The following RO60 variants were observed in gnomAD, a reference collection of about 807,000 sequenced individuals.
The protein encoded by RO60 is Ro60, Y RNA binding protein.
RO60 carries 20 observed loss-of-function variants against 55.3 expected under a neutral mutation model. That is an observed-to-expected ratio of 0.36 (90% CI 0.25 to 0.53). The LOEUF (loss-of-function observed/expected upper bound fraction) is 0.53. RO60 is among the 20% of genes least tolerant of loss of function. RO60 has a pLI of 0.92. For missense variants in RO60, 558 were observed against 646.6 expected (o/e 0.86, Z 1.49); for synonymous variants, 213 against 213.6 (o/e 1.00, Z 0.02).
chr1:193,076,408 G>T lies in RO60; in HGVS notation c.802-93G>T, dbSNP rs1259627586. ...CTTTGAACCCCAAATGAAAGCCTCA[G>T]AGACTGTATTATGAATATTTTTTTA... On this transcript the variant is annotated intron_variant, in intron 3 of 8. Coordinates refer to ENST00000400968, the MANE Select transcript of RO60 (RefSeq NM_001173524.2). 5 of 1,349,898 alleles carry T rather than the reference G, an allele frequency of 3.7e-6. No individual in the cohort carries two copies. The Admixed American group carries it at 1.3e-4, about 34-fold the overall frequency. The allele number at this position is 1,349,898 out of a possible 1,614,324, so 83.6% of individuals were successfully genotyped here. A position where few individuals can be genotyped will look rare whatever the true frequency, so the allele number is the denominator to read the frequency against.
At chr1:193,081,095 A>T (rs1674278474) in intron 5 of RO60, among the ~76,000 whole-genome samples, 1 of 152,194 alleles carries the variant, frequency 6.6e-6, no homozygotes, top group Non-Finnish European at 1.5e-5. Context: ...TTTTAAAAAT[A>T]GGATGGTAAC....
In RO60 at chr1:193,069,273, G is replaced by A. The variant is rs1673321515; in HGVS notation, c.219G>A (p.Val73=). ...RLIEDGRGCE[V]IQEIKSFSQE... ...TTGAAGATGGCAGAGGATGTGAAGT[G>A]ATACAAGAAATAAAGTCATTTAGTC... Residue 73 remains valine, a synonymous_variant, in exon 2 of 9, where the codon GTG becomes GTA. Transcript: ENST00000400968. 1.9e-6 allele frequency: 3 copies of A among 1,614,078 alleles called. No individual in the cohort carries two copies. The African/African-American group carries it at 4.0e-5, about 22-fold the overall frequency.
intron 5 of RO60, among the ~76,000 whole-genome samples, chr1:193,080,256 AC>A (rs1433251049): frequency 2.6e-5 from 4 of 152,190 alleles, no homozygotes; most frequent in Non-Finnish European, 5.9e-5. Flanking sequence ...AAAGCAGAAA[AC>A]AAGAGTTGGG....
intron 5 of RO60, 41 bp downstream of exon 5, chr1:193,077,091 CTT>C (rs1468497476): frequency 9.1e-6 from 14 of 1,540,134 alleles, no homozygotes; most frequent in African/African-American, 1.4e-5. Flanking sequence ...TGACTGAAGA[CTT>C]AATATCTTTT....
chr1:193,061,131 T>G (rs1254324031), intron 1 of RO60, among the ~76,000 whole-genome samples: 1 of 152,218 alleles, frequency 6.6e-6, no homozygotes, highest in Admixed American at 6.5e-5. Flanking sequence ...AAGCCAGATT[T>G]CTGGGTCTTT....
In RO60 at chr1:193,084,873, A is replaced by C. The variant is rs1674551709; in HGVS notation, c.*142A>C. ...ATGGAAAGTTACCTTACTGAAAAAAAAAAAAGAAGGAAAAATAAGATGGGC... is the reference window on the plus strand; with the variant it reads ...ATGGAAAGTTACCTTACTGAAAAAACAAAAAGAAGGAAAAATAAGATGGGC... On this transcript the variant is annotated 3_prime_UTR_variant, in exon 9 of 9. Coordinates refer to ENST00000400968, the MANE Select transcript of RO60 (RefSeq NM_001173524.2). The C allele has an allele frequency of 6.8e-7, 1 of 1,478,286 alleles. No individual in the cohort carries two copies. 91.6% of individuals were successfully genotyped at this position (1,478,286 alleles called of 1,614,324 possible). A position where few individuals can be genotyped will look rare whatever the true frequency, so the allele number is the denominator to read the frequency against.
Position 193,082,703 on chromosome 1 carries a change from C to T in RO60, c.1459C>T (p.Arg487Ter), listed in dbSNP as rs376876223. The stretch of plus-strand genomic sequence containing the variant: ...TCCTGCTATTGCTCTGAGGGAGTAT[C>T]GAAAGGTAAAACAAATTCTAATACG... ...VHPAIALREYRKKMDIPAKLI... is the reference protein window; with the variant it reads ...VHPAIALREY Residue 487 changes from arginine (R) to a stop codon, truncating the protein, a stop_gained, in exon 8 of 9, where the codon CGA (arginine) becomes TGA (stop). Coordinates refer to ENST00000400968, the MANE Select transcript of RO60 (RefSeq NM_001173524.2). LOFTEE classifies it high-confidence loss of function. 6.2e-7 allele frequency: 1 copy of T among 1,607,706 alleles called. No individual in the cohort carries two copies. The highest frequency in any genetic ancestry group is 8.5e-7 in the Non-Finnish European group (1 of 1,177,604).
At chr1:193,081,601 A>G (rs778668925) in intron 6 of RO60, 121 bp downstream of exon 6, 1 of 586,346 alleles carries the variant, frequency 1.7e-6, no homozygotes, top group Non-Finnish European at 3.0e-6. Context: ...AGCTTGTCAC[A>G]TTTTTAATTT....
At chr1:193,083,709 C>G (rs1674473731) in intron 8 of RO60, among the ~76,000 whole-genome samples, 1 of 152,200 alleles carries the variant, frequency 6.6e-6, no homozygotes, top group African/African-American at 2.4e-5. Context: ...ATTTCTGATG[C>G]AGGCTTAAGT....
rs771897924 is a variant in RO60, at chr1:193,090,174, T to C, written c.*5443T>C. On this transcript the variant is annotated 3_prime_UTR_variant, in exon 9 of 9. Coordinates refer to ENST00000400968, the MANE Select transcript of RO60 (RefSeq NM_001173524.2). Reference sequence around the variant, plus strand: ...AGAATATATGCTTGAACAAAGGAAATAGTAAATTAGCTATATGTCTGCTGG... The same window carrying C: ...AGAATATATGCTTGAACAAAGGAAACAGTAAATTAGCTATATGTCTGCTGG... The C allele has an allele frequency of 5.9e-5, 9 of 152,118 alleles. No homozygotes were observed. Among genetic ancestry groups the C allele is most frequent in the Non-Finnish European group, 1.3e-4 (9 of 68,028 alleles). The allele number at this position is 152,118 out of a possible 1,614,324, so 9.4% of individuals were successfully genotyped here. A position where few individuals can be genotyped will look rare whatever the true frequency, so the allele number is the denominator to read the frequency against.
At chr1:193,076,122 A>G in intron 3 of RO60, 82 bp downstream of exon 3, 2 of 842,382 alleles carry the variant, frequency 2.4e-6, no homozygotes, top group Non-Finnish European at 3.5e-6. Flanking sequence ...TGGGGTAGCT[A>G]TATATTTATA....
In RO60 at chr1:193,075,856, G is replaced by T; in HGVS notation, c.617G>T (p.Trp206Leu). 1 of 1,611,016 alleles carries T rather than the reference G, an allele frequency of 6.2e-7. No homozygotes were observed. The highest frequency in any genetic ancestry group is 1.1e-5 in the South Asian group (1 of 90,500). The change falls in exon 3 of 9, where the codon TGG becomes TTG. Residue 206 changes from tryptophan to leucine, a missense_variant. Physicochemically the swap from Trp to Leu is moderately conservative, Grantham distance 61. Coordinates refer to ENST00000400968, the MANE Select transcript of RO60 (RefSeq NM_001173524.2). ...GTGACCAAATATATTACAAAGGGCT[G>T]GAAAGAAGTTCATGAATTGTATAAA... ...AIVTKYITKG[W>L]KEVHELYKEK...
In RO60 at chr1:193,087,727, C is replaced by T. The variant is rs1674677441; in HGVS notation, c.*2996C>T. 3 of 151,246 alleles carry T rather than the reference C, an allele frequency of 2.0e-5. No homozygotes were observed. Among genetic ancestry groups the T allele is most frequent in the Non-Finnish European group, 4.4e-5 (3 of 67,902 alleles). 9.4% of individuals were successfully genotyped at this position (151,246 alleles called of 1,614,324 possible). On this transcript the variant is annotated 3_prime_UTR_variant, in exon 9 of 9. Coordinates refer to ENST00000400968, the MANE Select transcript of RO60 (RefSeq NM_001173524.2). ...ATAAAAATTGAAACTGGGAAGAGGG[C>T]TTGCAATACAAGTTAGAATTCTTTT...
rs1674614895 is a variant in RO60 at position 193,086,148 on chromosome 1, T to C, written c.*1417T>C. ...GTCAAACTGTAGTTAATGTAAATTA[T>C]AGCCTTTTAGGTGCTTGGGGGTTAG... On this transcript the variant is annotated 3_prime_UTR_variant, in exon 9 of 9. Transcript: ENST00000400968. The C allele has an allele frequency of 5.0e-6, 3 of 605,526 alleles. No individual in the cohort carries two copies. Among genetic ancestry groups the C allele is most frequent in the Non-Finnish European group, 6.2e-6 (3 of 483,758 alleles). The allele number at this position is 605,526 out of a possible 1,614,324, so 37.5% of individuals were successfully genotyped here. A position where few individuals can be genotyped will look rare whatever the true frequency, so the allele number is the denominator to read the frequency against.
At chr1:193,066,094 T>C (rs1303383921) in intron 1 of RO60, among the ~76,000 whole-genome samples, 1 of 152,158 alleles carries the variant, frequency 6.6e-6, no homozygotes, top group Non-Finnish European at 1.5e-5. Flanking sequence ...TTCCTTCAAA[T>C]CTATCTTTAC....
At chr1:193,072,457 C>T (rs1332469812) in intron 2 of RO60, among the ~76,000 whole-genome samples, 1 of 147,892 alleles carries the variant, frequency 6.8e-6, no homozygotes, top group Non-Finnish European at 1.5e-5. Context: ...GGTTGGGGGA[C>T]ATTTCTGGCA....
At chr1:193,074,004 T>TGG (rs1213319186) in intron 2 of RO60, among the ~76,000 whole-genome samples, 3 of 151,740 alleles carry the variant, frequency 2.0e-5, no homozygotes, top group African/African-American at 7.3e-5. Flanking sequence ...TTTTTGTCCT[T>TGG]GCGATAGTTT....
chr1:193,060,102 C>T, intron 1 of RO60: 1 of 1,223,814 alleles, frequency 8.2e-7, no homozygotes. Flanking sequence ...CCTCTTTCTC[C>T]TCCTTCTCCC....
Position 193,084,943 on chromosome 1 carries a change from G to C in RO60, c.*212G>C. 6.5e-7 allele frequency: 1 copy of C among 1,528,474 alleles called. No individual in the cohort carries two copies. Among genetic ancestry groups the C allele is most frequent in the Non-Finnish European group, 8.8e-7 (1 of 1,140,574 alleles). 94.7% of individuals were successfully genotyped at this position (1,528,474 alleles called of 1,614,324 possible). The stretch of plus-strand genomic sequence containing the variant: ...ACTAGCTCTTGGGGAAATAGCTTCA[G>C]GATACTGTAGTTTCCTCTATCTAAT... On this transcript the variant is annotated 3_prime_UTR_variant, in exon 9 of 9. Transcript: ENST00000400968.
Sources: allele counts gnomAD v4.1 joint callset (sites outside exome capture counted in the v4.1 genomes callset), GRCh38; gene constraint gnomAD v4.1.1; transcripts MANE v1.5; gene names NCBI Gene and HGNC (gene_info 2026-07-23, HGNC 2026-07-21).